Variants in ANGPT2 observed in about 807,000 individuals in gnomAD.
The protein encoded by ANGPT2 is angiopoietin 2, also known as angiopoietin-2.
ANGPT2 carries 28 observed loss-of-function variants against 62.9 expected under a neutral mutation model. The observed-to-expected ratio is 0.44, with a 90% CI of 0.33 to 0.61. The LOEUF (loss-of-function observed/expected upper bound fraction) is 0.61, where lower values mean the gene tolerates loss of function less well. Among genes scored for constraint, ANGPT2 ranks in the 20% least tolerant of loss-of-function variants. ANGPT2 has a pLI of 0.03. For synonymous variants in ANGPT2, 284 were observed against 207.8 expected (o/e 1.37, Z -3.15); for missense variants, 727 against 594.9 (o/e 1.22, Z -2.31).
At chr8:6,523,058 T>C (rs935474154) in intron 3 of ANGPT2, among the ~76,000 whole-genome samples, 1 of 151,794 alleles carries the variant, frequency 6.6e-6, no homozygotes, top group Non-Finnish European at 1.5e-5. Flanking sequence ...AGTGCAAGGG[T>C]GCCATCTTGG....
At chr8:6,526,780 T>C (rs918634732) in intron 3 of ANGPT2, among the ~76,000 whole-genome samples, 17 of 152,184 alleles carry the variant, frequency 1.1e-4, no homozygotes, top group Admixed American at 9.2e-4. Flanking sequence ...ATGTCTTCAT[T>C]AAAAACAAGG....
chr8:6,515,580 A>G (rs1277346766), intron 5 of ANGPT2, among the ~76,000 whole-genome samples: 1 of 152,238 alleles, frequency 6.6e-6, no homozygotes, highest in African/African-American at 2.4e-5. Flanking sequence ...TGCATGCTCA[A>G]TTTCAACTCA....
In ANGPT2 at chr8:6,500,172, C is replaced by T. The variant is rs1811872036; in HGVS notation, c.*2929G>A. 1 of 505,904 alleles carries T rather than the reference C, an allele frequency of 2.0e-6. No homozygotes were observed. The highest frequency in any genetic ancestry group is 2.1e-5 in the South Asian group (1 of 46,748). 31.3% of individuals were successfully genotyped at this position (505,904 alleles called of 1,614,324 possible). A position where few individuals can be genotyped will look rare whatever the true frequency, so the allele number is the denominator to read the frequency against. Reference sequence around the variant, plus strand: ...CAAAGAAAATTTGACGATTAACATCCTCAGAACTGAGAAAAACAAAAATGA... The same window carrying T: ...CAAAGAAAATTTGACGATTAACATCTTCAGAACTGAGAAAAACAAAAATGA... On this transcript the variant is annotated 3_prime_UTR_variant, in exon 9 of 9. Transcript: ENST00000629816.
chr8:6,555,988 C>T (rs943679380), intron 1 of ANGPT2, among the ~76,000 whole-genome samples: 1 of 152,150 alleles, frequency 6.6e-6, no homozygotes, highest in Non-Finnish European at 1.5e-5. Flanking sequence ...TCTCAGCAAT[C>T]GGAATCTGTC....
At chr8:6,559,098 C>T (rs1825103291) in intron 1 of ANGPT2, among the ~76,000 whole-genome samples, 1 of 152,126 alleles carries the variant, frequency 6.6e-6, no homozygotes, top group African/African-American at 2.4e-5. Context: ...TTGTCCTCCG[C>T]AGGAGGACCA....
intron 1 of ANGPT2, among the ~76,000 whole-genome samples, chr8:6,539,014 C>G (rs954749135): frequency 2.2e-5 from 3 of 139,476 alleles, no homozygotes; most frequent in African/African-American, 8.1e-5. Flanking sequence ...CCTCCCCCTC[C>G]TTTTAGAGTT....
chr8:6,509,842 C>T (rs1814608677), intron 7 of ANGPT2, among the ~76,000 whole-genome samples: 2 of 152,194 alleles, frequency 1.3e-5, no homozygotes, highest in South Asian at 2.1e-4. Flanking sequence ...AGCCATTTGG[C>T]AACACGGTGC....
intron 2 of ANGPT2, among the ~76,000 whole-genome samples, chr8:6,530,914 C>T (rs1819382200): frequency 6.6e-6 from 1 of 152,220 alleles, no homozygotes; most frequent in African/African-American, 2.4e-5. Flanking sequence ...CCTCTCCTGG[C>T]TGACGTCTAG....
chr8:6,538,556 T>C (rs1021107509), intron 1 of ANGPT2, among the ~76,000 whole-genome samples: 2 of 152,222 alleles, frequency 1.3e-5, no homozygotes, highest in African/African-American at 4.8e-5. Context: ...GCACTGTCCT[T>C]GGCTGTCCCA....
chr8:6,513,657 A>G (rs377559697), intron 7 of ANGPT2, 21 bp downstream of exon 7: 42 of 1,588,028 alleles, frequency 2.6e-5, no homozygotes, highest in Non-Finnish European at 3.4e-5. Flanking sequence ...TTTTTCTTTC[A>G]ATTACCATGA....
chr8:6,562,382 T>C (rs1409425814), intron 1 of ANGPT2, among the ~76,000 whole-genome samples: 2 of 152,076 alleles, frequency 1.3e-5, no homozygotes, highest in Admixed American at 1.3e-4. Context: ...ACCTTGTTAA[T>C]AAAGATTTCT....
In ANGPT2 at chr8:6,535,613, A is replaced by G. The variant is rs554852469; in HGVS notation, c.289-3126T>C. On this transcript the variant is annotated intron_variant, in intron 1 of 8. Coordinates refer to ENST00000629816, the MANE Select transcript of ANGPT2 (RefSeq NM_001118887.2). ...ATATGTATATAGTGTCTATAAATATATACAGCTCTTGAAGCATGTATCATT... is the reference window on the plus strand; with the variant it reads ...ATATGTATATAGTGTCTATAAATATGTACAGCTCTTGAAGCATGTATCATT... Among the ~76,000 whole-genome samples the G allele has an allele frequency of 2.6e-5, 4 of 152,358 alleles. 1 individual carries two copies. The highest frequency in any genetic ancestry group is 9.6e-5 in the African/African-American group (4 of 41,588).
At chr8:6,549,669 G>A (rs911131748) in intron 1 of ANGPT2, among the ~76,000 whole-genome samples, 1 of 151,246 alleles carries the variant, frequency 6.6e-6, no homozygotes, top group Non-Finnish European at 1.5e-5. Flanking sequence ...GCTGCCTGCA[G>A]GGGAAGAAGC....
At chr8:6,507,156 C>G (rs1251025722) in intron 8 of ANGPT2, among the ~76,000 whole-genome samples, 1 of 152,164 alleles carries the variant, frequency 6.6e-6, no homozygotes, top group Non-Finnish European at 1.5e-5. Flanking sequence ...CCTTGGCCTC[C>G]CAAAGTGCTG....
At chr8:6,519,590 A>G (rs1192476336) in intron 5 of ANGPT2, among the ~76,000 whole-genome samples, 1 of 152,260 alleles carries the variant, frequency 6.6e-6, no homozygotes, top group Non-Finnish European at 1.5e-5. Context: ...AGTATGCATT[A>G]TTCAAGCAAA....
At chr8:6,542,236 T>C (rs557245549) in intron 1 of ANGPT2, among the ~76,000 whole-genome samples, 8 of 152,198 alleles carry the variant, frequency 5.3e-5, no homozygotes, top group African/African-American at 1.9e-4. Context: ...TAGAATCTTA[T>C]GTATATCTGT....
chr8:6,540,595 G>A (rs1821361261), intron 1 of ANGPT2, among the ~76,000 whole-genome samples: 1 of 152,160 alleles, frequency 6.6e-6, no homozygotes, highest in Non-Finnish European at 1.5e-5. Flanking sequence ...ACGTTGTCAG[G>A]CCACGTCTGC....
rs954611468 is a variant in ANGPT2, at chr8:6,535,196, A to G, written c.289-2709T>C. 2.6e-5 allele frequency among the ~76,000 whole-genome samples: 4 copies of G among 152,208 alleles called. No individual in the cohort carries two copies. The East Asian group carries it at 5.8e-4, about 22-fold the overall frequency. On this transcript the variant is annotated intron_variant, in intron 1 of 8. Transcript: ENST00000629816. ...GTATTTTGTCACTCTAAATCATACA[A>G]CCAGAGAGGGAAAATGAATCCTCTA...
intron 1 of ANGPT2, among the ~76,000 whole-genome samples, chr8:6,551,100 C>T (rs1823569419): frequency 6.6e-6 from 1 of 152,198 alleles, no homozygotes; most frequent in South Asian, 2.1e-4. Flanking sequence ...TGCTTACCTT[C>T]CACGGCTCCT....
Sources: allele counts gnomAD v4.1 joint callset (sites outside exome capture counted in the v4.1 genomes callset), GRCh38; gene constraint gnomAD v4.1.1; transcripts MANE v1.5; gene names NCBI Gene and HGNC (gene_info 2026-07-23, HGNC 2026-07-21).